ZNF521: variants seen among roughly 807,000 people sequenced by gnomAD.
ZNF521 encodes the protein zinc finger protein 521, also known as LYST-interacting protein 3.
A neutral mutation model predicts 105.5 loss-of-function variants in ZNF521; 14 were observed. The observed-to-expected ratio is 0.13, with a 90% CI of 0.09 to 0.21. The LOEUF is 0.21. Ranked by LOEUF, ZNF521 falls within the 10% of genes least tolerant of loss-of-function variation. The pLI is 1.00. For missense variants in ZNF521, 1,233 were observed against 1,629.7 expected (o/e 0.76, Z 4.19); for synonymous variants, 635 against 606.0 (o/e 1.05, Z -0.70).
At chr18:25,307,797 C>T (rs1464896232) in intron 3 of ZNF521, among the ~76,000 whole-genome samples, 1 of 152,128 alleles carries the variant, frequency 6.6e-6, no homozygotes, top group Non-Finnish European at 1.5e-5. Flanking sequence ...TCTCAGAGTA[C>T]TTATTCTGAG....
At chr18:25,252,666 C>A (rs998123992) in intron 3 of ZNF521, among the ~76,000 whole-genome samples, 1 of 152,036 alleles carries the variant, frequency 6.6e-6, no homozygotes, top group African/African-American at 2.4e-5. Context: ...AAATTGCTGC[C>A]TTTTCTGTGT....
intron 3 of ZNF521, among the ~76,000 whole-genome samples, chr18:25,274,070 G>T (rs1339935217): frequency 6.6e-6 from 1 of 152,140 alleles, no homozygotes; most frequent in Non-Finnish European, 1.5e-5. Flanking sequence ...CTTATCAGCT[G>T]TATTTCTTCA....
chr18:25,271,573 T>C (rs528851127), intron 3 of ZNF521, among the ~76,000 whole-genome samples: 2 of 152,242 alleles, frequency 1.3e-5, no homozygotes, highest in Middle Eastern at 3.4e-3. Flanking sequence ...AACAGATATA[T>C]AGACCAATGG....
Position 25,224,974 on chromosome 18 carries a change from T to C in ZNF521, c.2944A>G (p.Ser982Gly). 1 of 1,614,100 alleles carries C rather than the reference T, an allele frequency of 6.2e-7. No individual in the cohort carries two copies. Among genetic ancestry groups the C allele is most frequent in the Non-Finnish European group, 8.5e-7 (1 of 1,180,028 alleles). ...CAGTTTCCAGTATCAAGACTCTTAC[T>C]ATGCGTGACTTTGTGTTCAGTAAGA... ...LTLTEHKVTHSKSLDTGNCRI... is the reference protein window; with the variant it reads ...LTLTEHKVTHGKSLDTGNCRI... The change falls in exon 4 of 8, where the codon AGT becomes GGT. Residue 982 changes from serine to glycine, a missense_variant. Ser to Gly is a moderately conservative substitution (Grantham distance 56). Coordinates refer to ENST00000361524, the MANE Select transcript of ZNF521 (RefSeq NM_015461.3).
chr18:25,158,390 ATTT>A (rs1201862985), intron 5 of ZNF521, among the ~76,000 whole-genome samples: 1 of 152,046 alleles, frequency 6.6e-6, no homozygotes, highest in East Asian at 1.9e-4. Context: ...TGAGTAATTA[ATTT>A]TTTAATTAAT....
At chr18:25,177,819 A>AC (rs975056004) in intron 5 of ZNF521, among the ~76,000 whole-genome samples, 10 of 152,192 alleles carry the variant, frequency 6.6e-5, no homozygotes, top group African/African-American at 2.4e-4. Flanking sequence ...GTTGGCAATG[A>AC]CCTCACATCC....
In ZNF521 at chr18:25,322,556, C is replaced by A. The variant is rs865797427; in HGVS notation, c.41-369G>T. Among the ~76,000 whole-genome samples, 601 of 146,282 alleles carry A rather than the reference C, an allele frequency of 4.1e-3. 5 individuals are homozygous for A. Among genetic ancestry groups the A allele is most frequent in the African/African-American group, 0.012 (492 of 40,344 alleles). On this transcript the variant is annotated intron_variant, in intron 2 of 7. Coordinates refer to ENST00000361524, the MANE Select transcript of ZNF521 (RefSeq NM_015461.3). The stretch of plus-strand genomic sequence containing the variant: ...AATGCAAAAAAAAAAAAAAAAAACC[C>A]CCCCACTGTGCTTAAGAATGAACTC...
intron 4 of ZNF521, among the ~76,000 whole-genome samples, chr18:25,199,285 TTGTCA>T (rs2035953132): frequency 6.6e-6 from 1 of 151,538 alleles, no homozygotes; most frequent in South Asian, 2.1e-4. Flanking sequence ...AAATGGCCTA[TTGTCA>T]TGGGAAAAAA....
intron 5 of ZNF521, among the ~76,000 whole-genome samples, chr18:25,114,692 C>T (rs2034269131): frequency 6.6e-6 from 1 of 152,184 alleles, no homozygotes; most frequent in South Asian, 2.1e-4. Flanking sequence ...CACACAAATA[C>T]TCACTCTGTC....
chr18:25,241,703 G>C (rs1907344768), intron 3 of ZNF521, among the ~76,000 whole-genome samples: 1 of 152,090 alleles, frequency 6.6e-6, no homozygotes, highest in South Asian at 2.1e-4. Flanking sequence ...TAATGAGGGG[G>C]AAAATGTGCA....
rs564376053 is a variant in ZNF521 at position 25,342,587 on chromosome 18, C to G, written c.40+8320G>C. On this transcript the variant is annotated intron_variant, in intron 2 of 7. Transcript: ENST00000361524. ...GGGACTACAGGCGCCCGTCACCACGCCCGGCTAATTTTTTGTATTTTTAGT... is the reference window on the plus strand; with the variant it reads ...GGGACTACAGGCGCCCGTCACCACGGCCGGCTAATTTTTTGTATTTTTAGT... Among the ~76,000 whole-genome samples the G allele has an allele frequency of 9.5e-4, 136 of 142,864 alleles. 16 individuals carry two copies. Among genetic ancestry groups the G allele is most frequent in the Non-Finnish European group, 4.2e-4 (27 of 64,188 alleles). The allele number at this position is 142,864 out of a possible 152,430, so 93.7% of individuals were successfully genotyped here. A position where few individuals can be genotyped will look rare whatever the true frequency, so the allele number is the denominator to read the frequency against.
chr18:25,289,437 G>A (rs1032451438), intron 3 of ZNF521, among the ~76,000 whole-genome samples: 2 of 152,134 alleles, frequency 1.3e-5, no homozygotes, highest in African/African-American at 4.8e-5. Context: ...AGGCATCAAT[G>A]AGGAAGGCGA....
At chr18:25,134,004 A>G (rs1415282588) in intron 5 of ZNF521, among the ~76,000 whole-genome samples, 2 of 152,130 alleles carry the variant, frequency 1.3e-5, no homozygotes, top group African/African-American at 4.8e-5. Flanking sequence ...TGTGCCACAG[A>G]GTAATGACAT....
At chr18:25,287,158 A>T (rs1910752881) in intron 3 of ZNF521, among the ~76,000 whole-genome samples, 1 of 152,198 alleles carries the variant, frequency 6.6e-6, no homozygotes, top group Admixed American at 6.5e-5. Context: ...AAACTTGGTA[A>T]AAACGTGGCC....
intron 5 of ZNF521, among the ~76,000 whole-genome samples, chr18:25,097,942 T>C (rs2033887206): frequency 6.6e-6 from 1 of 151,926 alleles, no homozygotes; most frequent in Non-Finnish European, 1.5e-5. Context: ...TCAACTGGGG[T>C]AGGCTGCATG....
chr18:25,082,587 G>C, intron 7 of ZNF521: 1 of 444,386 alleles, frequency 2.3e-6, no homozygotes, highest in Non-Finnish European at 4.5e-6. Context: ...TGTAATCCTA[G>C]CACTTTGGGA....
chr18:25,335,898 G>A (rs1040279820), intron 2 of ZNF521, among the ~76,000 whole-genome samples: 3 of 152,216 alleles, frequency 2.0e-5, no homozygotes, highest in Non-Finnish European at 4.4e-5. Context: ...AGGGCCAGCA[G>A]AGTCAAGCAA....
At chr18:25,092,199 G>A in intron 5 of ZNF521, 118 bp from the exon 6 acceptor site, 2 of 1,121,338 alleles carry the variant, frequency 1.8e-6, no homozygotes, top group Non-Finnish European at 2.5e-6. Flanking sequence ...TACATATGTA[G>A]TATTATATAT....
At chr18:25,295,856 A>T (rs895414847) in intron 3 of ZNF521, among the ~76,000 whole-genome samples, 3 of 152,140 alleles carry the variant, frequency 2.0e-5, no homozygotes, top group Non-Finnish European at 4.4e-5. Flanking sequence ...ATATCCTTAA[A>T]CTTAGTGTAT....
Sources: gnomAD v4.1 joint callset for allele counts (sites outside exome capture counted in the v4.1 genomes callset) on GRCh38, gnomAD v4.1.1 for gene constraint, MANE v1.5 for transcripts, NCBI Gene and HGNC (gene_info 2026-07-23, HGNC 2026-07-21) for gene names.